RGS22: variants seen among roughly 807,000 people sequenced by gnomAD.
The protein encoded by RGS22 is regulator of G protein signaling 22.
RGS22 carries 148 observed loss-of-function variants against 172.9 expected under a neutral mutation model. The ratio of observed to expected loss-of-function variants is 0.86; its 90% CI spans 0.75 to 0.98. The LOEUF (loss-of-function observed/expected upper bound fraction) is 0.98. RGS22 is among the 50% of genes least tolerant of loss of function. The pLI is 0.00. For synonymous variants in RGS22, 458 were observed against 480.2 expected (o/e 0.95, Z 0.60); for missense variants, 1,347 against 1,440.8 (o/e 0.93, Z 1.05).
At chr8:99,999,137 T>A in intron 19 of RGS22, 125 bp downstream of exon 19, 1 of 781,912 alleles carries the variant, frequency 1.3e-6, no homozygotes, top group South Asian at 1.9e-5. Flanking sequence ...TCAGACTGGG[T>A]GACAGAGAGA....
At chr8:100,014,637 C>T (rs561678508) in intron 14 of RGS22, among the ~76,000 whole-genome samples, 1 of 152,250 alleles carries the variant, frequency 6.6e-6, no homozygotes, top group African/African-American at 2.4e-5. Context: ...TGCCAATTTC[C>T]GCTTCTTCTC....
At chr8:100,031,468 C>A (rs954045527) in intron 14 of RGS22, among the ~76,000 whole-genome samples, 1 of 152,072 alleles carries the variant, frequency 6.6e-6, no homozygotes, top group African/African-American at 2.4e-5. Flanking sequence ...ATTTCCATTT[C>A]ATTCTTACCT....
At chr8:100,072,477 T>C (rs1811059399) in intron 4 of RGS22, among the ~76,000 whole-genome samples, 1 of 152,046 alleles carries the variant, frequency 6.6e-6, no homozygotes, top group African/African-American at 2.4e-5. Context: ...TTTTACAGAT[T>C]AACAAATCGA....
chr8:100,006,327 A>G (rs2131357045), intron 15 of RGS22, among the ~76,000 whole-genome samples: 1 of 152,350 alleles, frequency 6.6e-6, no homozygotes, highest in African/African-American at 2.4e-5. Flanking sequence ...GTGCCACCAA[A>G]GATCATTCCT....
intron 2 of RGS22, 42 bp from the exon 3 acceptor site, chr8:100,093,551 A>AT (rs1290686409): frequency 1.6e-6 from 2 of 1,243,720 alleles, no homozygotes; most frequent in Non-Finnish European, 2.3e-6. Context: ...ATAATTATAC[A>AT]TTTTAAATCA....
At chr8:100,089,025 CAG>C (rs1812363203) in intron 3 of RGS22, among the ~76,000 whole-genome samples, 1 of 151,936 alleles carries the variant, frequency 6.6e-6, no homozygotes, top group African/African-American at 2.4e-5. Context: ...GAAATAAAAA[CAG>C]AATCATAATC....
rs749504467 is a variant in RGS22 at position 100,003,971 on chromosome 8, AGTTT to A, written c.2578_2581del (p.Lys860TrpfsTer31). On this transcript the variant is annotated frameshift_variant, in exon 17 of 28. Transcript: ENST00000360863. LOFTEE classifies it high-confidence loss of function. ...AAACTGACGGAAATGTTCAAACTCCAGTTTGTTGTTAAGCAGATCACTAAACTTA... is the reference window on the plus strand; with the variant it reads ...AAACTGACGGAAATGTTCAAACTCCAGTTGTTAAGCAGATCACTAAACTTA... The A allele has an allele frequency of 1.2e-6, 2 of 1,610,826 alleles. No individual in the cohort carries two copies. The highest frequency in any genetic ancestry group is 1.7e-6 in the Non-Finnish European group (2 of 1,178,168).
intron 27 of RGS22, among the ~76,000 whole-genome samples, chr8:99,961,470 C>T (rs1810183465): frequency 6.6e-6 from 1 of 152,116 alleles, no homozygotes; most frequent in Admixed American, 6.5e-5. Flanking sequence ...AGGGGCTTTT[C>T]CCCCTTTTGC....
At chr8:100,002,154 T>C (rs922246991) in intron 18 of RGS22, 48 bp downstream of exon 18, 12 of 1,408,158 alleles carry the variant, frequency 8.5e-6, no homozygotes, top group Non-Finnish European at 9.5e-6. Flanking sequence ...AGAAATAAAA[T>C]ACCGGTTTTC....
rs187535583 is a variant in RGS22, at chr8:100,098,783, G to A, written c.55-5274C>T. Among the ~76,000 whole-genome samples, 167 of 151,546 alleles carry A rather than the reference G, an allele frequency of 1.1e-3. 2 individuals are homozygous for A. The highest frequency in any genetic ancestry group is 3.9e-3 in the African/African-American group (163 of 41,322). ...TCTCTCTCTCAACAAGTACCCAAAA[G>A]GCTTGAGAAGGTGAAGGAAGCTCTG... On this transcript the variant is annotated intron_variant, in intron 2 of 27. Coordinates refer to ENST00000360863, the MANE Select transcript of RGS22 (RefSeq NM_015668.5).
At chr8:99,972,199 G>C (rs550626627) in intron 23 of RGS22, among the ~76,000 whole-genome samples, 1 of 152,254 alleles carries the variant, frequency 6.6e-6, no homozygotes, top group South Asian at 2.1e-4. Flanking sequence ...CTAGCCATAT[G>C]CAGAAAACTG....
At chr8:100,074,642 C>A (rs1226934815) in intron 4 of RGS22, among the ~76,000 whole-genome samples, 1 of 152,256 alleles carries the variant, frequency 6.6e-6, no homozygotes, top group African/African-American at 2.4e-5. Context: ...TATGGATATA[C>A]CACAGTTTGT....
intron 16 of RGS22, chr8:100,004,456 T>C (rs1815459271): frequency 6.5e-6 from 1 of 154,472 alleles, no homozygotes; most frequent in African/African-American, 2.4e-5. Flanking sequence ...CATTCAAAGA[T>C]AACCACCATT....
chr8:100,008,459 A>C lies in RGS22; in HGVS notation c.2277T>G (p.Phe759Leu). The C allele has an allele frequency of 6.2e-7, 1 of 1,613,786 alleles. No individual in the cohort carries two copies. Among genetic ancestry groups the C allele is most frequent in the South Asian group, 1.1e-5 (1 of 90,976 alleles). Reference sequence around the variant, plus strand: ...GAAGGATATATTCCTCTGCTGTGTCAAAAAGGTCTTCAAATGGTGGCTGTA... The same window carrying C: ...GAAGGATATATTCCTCTGCTGTGTCCAAAAGGTCTTCAAATGGTGGCTGTA... ...MKIQPPFEDLFDTAEEYILLL... is the reference protein window; with the variant it reads ...MKIQPPFEDLLDTAEEYILLL... Residue 759 changes from phenylalanine (F) to leucine (L), a missense_variant, in exon 15 of 28, where the codon TTT becomes TTG. Phe to Leu is a conservative substitution (Grantham distance 22). Coordinates refer to ENST00000360863, the MANE Select transcript of RGS22 (RefSeq NM_015668.5).
chr8:99,973,874 A>AAAAAAAAAC (rs1811638389), intron 23 of RGS22, among the ~76,000 whole-genome samples: 2 of 151,704 alleles, frequency 1.3e-5, no homozygotes, highest in African/African-American at 4.8e-5. Flanking sequence ...ATCTCAAAAA[A>AAAAAAAAAC]AAAAAAAACA....
rs1815674855 is a variant in RGS22 at position 100,006,105 on chromosome 8, T to C, written c.2366A>G (p.Glu789Gly). Residue 789 changes from glutamate to glycine, a missense_variant, in exon 16 of 28, where the codon GAG becomes GGG. Coordinates refer to ENST00000360863, the MANE Select transcript of RGS22 (RefSeq NM_015668.5). ...KSDQIAYKKVELVEETRQLDS... is the reference protein window; with the variant it reads ...KSDQIAYKKVGLVEETRQLDS... ...TAACTGTCGAGTTTCTTCCACCAGC[T>C]CCACCTAAAAAAAATAAATAAAGCT... 6.2e-7 allele frequency: 1 copy of C among 1,610,972 alleles called. No individual in the cohort carries two copies. The highest frequency in any genetic ancestry group is 8.5e-7 in the Non-Finnish European group (1 of 1,178,340).
intron 20 of RGS22, among the ~76,000 whole-genome samples, chr8:99,989,780 G>A (rs1813489961): frequency 6.6e-6 from 1 of 152,142 alleles, no homozygotes; most frequent in Non-Finnish European, 1.5e-5. Flanking sequence ...GGGAGGCAGA[G>A]GTTGCAGTGA....
At chr8:100,023,454 A>G (rs111548660) in intron 14 of RGS22, among the ~76,000 whole-genome samples, 3 of 152,238 alleles carry the variant, frequency 2.0e-5, no homozygotes, top group African/African-American at 7.2e-5. Context: ...CTAGGGTCTC[A>G]CTCTGTTGCC....
At chr8:99,965,005 C>T (rs1323806281) in intron 24 of RGS22, among the ~76,000 whole-genome samples, 1 of 152,126 alleles carries the variant, frequency 6.6e-6, no homozygotes, top group African/African-American at 2.4e-5. Context: ...ATTTTTTAAC[C>T]CAAGAATACA....
Sources: allele counts gnomAD v4.1 joint callset (sites outside exome capture counted in the v4.1 genomes callset), GRCh38; gene constraint gnomAD v4.1.1; transcripts MANE v1.5; gene names NCBI Gene and HGNC (gene_info 2026-07-23, HGNC 2026-07-21).